HTR4: variants seen among roughly 807,000 people sequenced by gnomAD.
HTR4 encodes 5-hydroxytryptamine receptor 4.
HTR4 carries 16 observed loss-of-function variants against 36.8 expected under a neutral mutation model. The ratio of observed to expected loss-of-function variants is 0.43; its 90% CI spans 0.29 to 0.66. HTR4 has a LOEUF of 0.66. Among genes scored for constraint, HTR4 ranks in the 30% least tolerant of loss-of-function variants. HTR4 has a pLI of 0.13. For missense variants in HTR4, 438 were observed against 490.9 expected, an observed-to-expected ratio of 0.89 and a Z score of 1.02; for synonymous variants, 189 against 185.1, an observed-to-expected ratio of 1.02 and a Z score of -0.17.
chr5:148,566,610 A>G (rs2113874126), intron 2 of HTR4, among the ~76,000 whole-genome samples: 1 of 152,304 alleles, frequency 6.6e-6, no homozygotes, highest in Non-Finnish European at 1.5e-5. Context: ...CAGAAAAGTT[A>G]ACTAATTTAG....
intron 2 of HTR4, among the ~76,000 whole-genome samples, chr5:148,557,802 A>G (rs1760022665): frequency 6.7e-6 from 1 of 148,392 alleles, no homozygotes; most frequent in African/African-American, 2.4e-5. Flanking sequence ...AGGAATATAT[A>G]AATATATATA....
intron 5 of HTR4, among the ~76,000 whole-genome samples, chr5:148,515,812 G>T (rs1253330412): frequency 6.6e-6 from 1 of 151,576 alleles, no homozygotes; most frequent in Non-Finnish European, 1.5e-5. Context: ...TATTTAACCT[G>T]CTGGGGTTTT....
At position 148,654,181 on chromosome 5, in the gene HTR4, C is replaced by A; in HGVS notation, c.-167G>T. ...CGCTCCCAGCCGCTGCCTGCGCCCT[C>A]CCTGCCGCCCCCTCGGGTGCGGGCT... On this transcript the variant is annotated 5_prime_UTR_variant, in exon 1 of 7. Transcript: ENST00000377888. 1 of 985,526 alleles carries A rather than the reference C, an allele frequency of 1.0e-6. No individual in the cohort carries two copies. Among genetic ancestry groups the A allele is most frequent in the South Asian group, 4.7e-5 (1 of 21,392 alleles). 61.0% of individuals were successfully genotyped at this position (985,526 alleles called of 1,614,324 possible).
chr5:148,464,579 T>C (rs768709397), intron 5 of HTR4, among the ~76,000 whole-genome samples: 5 of 152,216 alleles, frequency 3.3e-5, no homozygotes, highest in Admixed American at 6.5e-5. Flanking sequence ...ATCATACTGA[T>C]AGCATCAAAT....
chr5:148,474,296 G>C (rs190109952), downstream of HTR4, among the ~76,000 whole-genome samples: 470 of 152,032 alleles, frequency 3.1e-3, 6 homozygotes, highest in African/African-American at 0.011. Flanking sequence ...GATAAAAAGC[G>C]ATCGCTATAA....
intron 3 of HTR4, among the ~76,000 whole-genome samples, chr5:148,549,835 T>C (rs1417156987): frequency 6.6e-6 from 1 of 152,088 alleles, no homozygotes; most frequent in Non-Finnish European, 1.5e-5. Flanking sequence ...AAACCATTAA[T>C]AAAATGGGGA....
At chr5:148,506,656 A>T (rs763910137) in intron 6 of HTR4, among the ~76,000 whole-genome samples, 4 of 152,256 alleles carry the variant, frequency 2.6e-5, no homozygotes, top group Non-Finnish European at 4.4e-5. Context: ...GAATCTACAA[A>T]GAACTCAAAC....
chr5:148,653,724 T>G (rs1255245774), intron 1 of HTR4, among the ~76,000 whole-genome samples: 3 of 151,964 alleles, frequency 2.0e-5, no homozygotes, highest in African/African-American at 4.8e-5. Context: ...CTGTGCGCGC[T>G]CTCTCTTACA....
At chr5:148,493,193 G>T (rs976851904) in intron 6 of HTR4, among the ~76,000 whole-genome samples, 2 of 152,158 alleles carry the variant, frequency 1.3e-5, no homozygotes, top group African/African-American at 4.8e-5. Flanking sequence ...ATTACTTCAC[G>T]TTGTGATGGG....
chr5:148,615,708 G>GAAATAAAATA (rs71001495), intron 2 of HTR4, among the ~76,000 whole-genome samples: 2,799 of 145,454 alleles, frequency 0.019, 104 homozygotes, highest in East Asian at 0.11. Flanking sequence ...AAGAAAGAAA[G>GAAATAAAATA]AAATAAAATA....
intron 1 of HTR4, among the ~76,000 whole-genome samples, chr5:148,638,968 G>GC (rs1753640408): frequency 6.6e-6 from 1 of 152,168 alleles, no homozygotes; most frequent in East Asian, 1.9e-4. Flanking sequence ...GATCACCTGA[G>GC]CCCAGGAGGT....
chr5:148,517,322 A>T (rs951682590), intron 5 of HTR4, among the ~76,000 whole-genome samples: 2 of 151,708 alleles, frequency 1.3e-5, no homozygotes, highest in African/African-American at 4.8e-5. Flanking sequence ...AGGTGATTTC[A>T]TCTAGTCATA....
At position 148,548,706 on chromosome 5, in the gene HTR4, C is replaced by T. The variant is rs376939756; in HGVS notation, c.315G>A (p.Thr105=). 3.7e-6 allele frequency: 6 copies of T among 1,610,548 alleles called. No individual in the cohort carries two copies. The highest frequency in any genetic ancestry group is 2.7e-5 in the African/African-American group (2 of 74,718). ...VRTSLDVLLT[T]ASIFHLCCIS... is the part of the protein sequence containing the mutation. The stretch of plus-strand genomic sequence containing the variant: ...TGCAGCACAGGTGAAAAATCGATGC[C>T]GTTGTGAGCAGGACGTCCAGAGATG... Residue 105 remains threonine (T), a synonymous_variant, in exon 4 of 7, where the codon ACG becomes ACA. Transcript: ENST00000377888.
intron 2 of HTR4, among the ~76,000 whole-genome samples, chr5:148,624,580 T>C (rs1413025655): frequency 6.6e-6 from 1 of 152,146 alleles, no homozygotes; most frequent in Non-Finnish European, 1.5e-5. Context: ...TCATTAGCAA[T>C]CACATGCCAG....
At chr5:148,498,990 T>C (rs1756815855) in intron 6 of HTR4, among the ~76,000 whole-genome samples, 1 of 152,182 alleles carries the variant, frequency 6.6e-6, no homozygotes, top group Admixed American at 6.5e-5. Flanking sequence ...AAATGACTCA[T>C]CAACTTTATC....
intron 2 of HTR4, among the ~76,000 whole-genome samples, chr5:148,627,342 AT>A (rs34465816): frequency 0.22 from 32,848 of 152,044 alleles, 4,260 homozygotes; most frequent in East Asian, 0.39. Flanking sequence ...AAGTTTGTCG[AT>A]TTTTTTAACA....
intron 5 of HTR4, among the ~76,000 whole-genome samples, chr5:148,522,133 T>C (rs1214977775): frequency 6.6e-6 from 1 of 152,174 alleles, no homozygotes; most frequent in African/African-American, 2.4e-5. Flanking sequence ...CTCTCTTGCC[T>C]GCAGCCACGT....
intron 2 of HTR4, among the ~76,000 whole-genome samples, chr5:148,610,225 G>T (rs185287372): frequency 6.6e-6 from 1 of 152,264 alleles, no homozygotes; most frequent in Non-Finnish European, 1.5e-5. Context: ...GAACAGCTCC[G>T]GTCTACAGCT....
At chr5:148,538,158 A>G (rs1758923581) in intron 4 of HTR4, among the ~76,000 whole-genome samples, 1 of 152,186 alleles carries the variant, frequency 6.6e-6, no homozygotes, top group East Asian at 1.9e-4. Flanking sequence ...GAAGCAGAAA[A>G]AGGCTTTCAA....
Sources: allele counts gnomAD v4.1 joint callset (sites outside exome capture counted in the v4.1 genomes callset), GRCh38; gene constraint gnomAD v4.1.1; transcripts MANE v1.5; gene names NCBI Gene and HGNC (gene_info 2026-07-23, HGNC 2026-07-21).